SPATA16: variants seen among roughly 807,000 people sequenced by gnomAD.
SPATA16 encodes the protein spermatogenesis associated 16, also known as spermatogenesis-associated protein 16.
A neutral mutation model predicts 63.3 loss-of-function variants in SPATA16; 36 were observed. That is an observed-to-expected ratio of 0.57 (90% CI 0.44 to 0.75). SPATA16 has a LOEUF of 0.75. Among genes scored for constraint, SPATA16 ranks in the 30% least tolerant of loss-of-function variants. SPATA16 has a pLI of 0.00. For synonymous variants in SPATA16, 203 were observed against 216.7 expected (o/e 0.94, Z 0.56); for missense variants, 646 against 679.3 (o/e 0.95, Z 0.54).
intron 2 of SPATA16, among the ~76,000 whole-genome samples, chr3:173,065,191 A>G (rs1447488347): frequency 6.6e-6 from 1 of 152,248 alleles, no homozygotes; most frequent in African/African-American, 2.4e-5. Context: ...CAGATATTTA[A>G]GAGAGATATA....
rs559387103 is a variant in SPATA16 at position 173,024,123 on chromosome 3, T to TA, written c.759-4549_759-4548insT. Among the ~76,000 whole-genome samples, 35 of 151,624 alleles carry TA rather than the reference T, an allele frequency of 2.3e-4. 2 individuals are homozygous for TA. In the South Asian group the frequency reaches 6.8e-3, roughly 30 times the overall value. ...GTATGGGATTTTTTTCTATTATATT[T>TA]TCCAAACTCTTATTGATAGCATAGC... On this transcript the variant is annotated intron_variant, in intron 3 of 10. Transcript: ENST00000351008.
rs7638809 is a variant in SPATA16 at position 172,904,173 on chromosome 3, T to C, written c.1587+9488A>G. ...GGTTGTTGCAATCATTTAAATGTGA[T>C]AATGTATTGAAATGCTTGGCACACA... On this transcript the variant is annotated intron_variant, in intron 10 of 10. Coordinates refer to ENST00000351008, the MANE Select transcript of SPATA16 (RefSeq NM_031955.6). Among the ~76,000 whole-genome samples, 1,022 of 152,332 alleles carry C rather than the reference T, an allele frequency of 6.7e-3. 12 individuals are homozygous for C. The highest frequency in any genetic ancestry group is 0.024 in the African/African-American group (978 of 41,576).
chr3:173,111,271 G>A (rs779808773), intron 2 of SPATA16, among the ~76,000 whole-genome samples: 45 of 152,194 alleles, frequency 3.0e-4, no homozygotes, highest in Admixed American at 9.2e-4. Flanking sequence ...TTAGCCAGGC[G>A]TGGTGGCATG....
intron 2 of SPATA16, among the ~76,000 whole-genome samples, chr3:173,084,362 G>A (rs1163294926): frequency 6.6e-6 from 1 of 152,022 alleles, no homozygotes; most frequent in African/African-American, 2.4e-5. Flanking sequence ...TTTTAATAGG[G>A]TTGTTTGTTT....
At chr3:173,019,178 T>C (rs1478984866) in intron 4 of SPATA16, among the ~76,000 whole-genome samples, 1 of 152,216 alleles carries the variant, frequency 6.6e-6, no homozygotes, top group African/African-American at 2.4e-5. Flanking sequence ...GTCATTACAA[T>C]GTGGACAAGA....
chr3:173,012,846 A>G (rs1353213668), intron 4 of SPATA16, among the ~76,000 whole-genome samples: 1 of 152,184 alleles, frequency 6.6e-6, no homozygotes, highest in Non-Finnish European at 1.5e-5. Context: ...CCTAGGATAT[A>G]CCTACCATTC....
At chr3:173,023,635 T>C (rs1735386764) in intron 3 of SPATA16, among the ~76,000 whole-genome samples, 2 of 151,996 alleles carry the variant, frequency 1.3e-5, no homozygotes, top group South Asian at 4.1e-4. Context: ...TGTCTTCCCA[T>C]ACAGGAATGT....
At chr3:173,012,532 A>G (rs1212077586) in intron 4 of SPATA16, among the ~76,000 whole-genome samples, 3 of 152,238 alleles carry the variant, frequency 2.0e-5, no homozygotes, top group Non-Finnish European at 4.4e-5. Context: ...AGACTATACC[A>G]TAAGGCTACA....
chr3:173,048,624 G>A (rs548748574), intron 3 of SPATA16, among the ~76,000 whole-genome samples: 7 of 152,014 alleles, frequency 4.6e-5, no homozygotes, highest in Admixed American at 1.3e-4. Context: ...CTGCAATTTC[G>A]ACAATCCCTC....
At chr3:172,985,564 T>C (rs1386169611) in intron 4 of SPATA16, among the ~76,000 whole-genome samples, 1 of 152,200 alleles carries the variant, frequency 6.6e-6, no homozygotes, top group East Asian at 1.9e-4. Context: ...TTAAGTACCT[T>C]ATGTTAACTA....
chr3:172,960,047 A>T (rs1248181695), intron 5 of SPATA16, among the ~76,000 whole-genome samples: 1 of 151,896 alleles, frequency 6.6e-6, no homozygotes, highest in Non-Finnish European at 1.5e-5. Flanking sequence ...TAAGGACTTT[A>T]AAAACTAGAA....
chr3:173,108,379 G>A (rs1330209816), intron 2 of SPATA16, among the ~76,000 whole-genome samples: 1 of 152,040 alleles, frequency 6.6e-6, no homozygotes, highest in Non-Finnish European at 1.5e-5. Context: ...AAATAGCTTT[G>A]TATATTTATT....
chr3:173,102,511 C>A (rs2108326472), intron 2 of SPATA16, among the ~76,000 whole-genome samples: 1 of 152,232 alleles, frequency 6.6e-6, no homozygotes, highest in African/African-American at 2.4e-5. Context: ...AGAGCCAGAG[C>A]AGTTGGTGGG....
chr3:172,898,397 G>T (rs1254752185), intron 10 of SPATA16, among the ~76,000 whole-genome samples: 1 of 151,966 alleles, frequency 6.6e-6, no homozygotes, highest in Admixed American at 6.5e-5. Flanking sequence ...TTATAATTAT[G>T]AATAGTTATA....
At chr3:173,080,874 T>C (rs1181993290) in intron 2 of SPATA16, among the ~76,000 whole-genome samples, 1 of 152,140 alleles carries the variant, frequency 6.6e-6, no homozygotes, top group Non-Finnish European at 1.5e-5. Context: ...CAAAAAATTA[T>C]CACAAGTCCT....
intron 4 of SPATA16, among the ~76,000 whole-genome samples, chr3:173,005,579 T>G (rs1043990430): frequency 5.3e-5 from 8 of 152,056 alleles, no homozygotes; most frequent in African/African-American, 1.9e-4. Flanking sequence ...ACCCAAGAAT[T>G]TTGCACGATA....
At chr3:172,897,663 T>G (rs1199605626) in intron 10 of SPATA16, among the ~76,000 whole-genome samples, 4 of 152,096 alleles carry the variant, frequency 2.6e-5, no homozygotes, top group Admixed American at 2.0e-4. Context: ...CTCATTTTTT[T>G]GGGGGGATTT....
At chr3:172,922,530 A>G (rs891461169) in intron 8 of SPATA16, among the ~76,000 whole-genome samples, 1 of 152,236 alleles carries the variant, frequency 6.6e-6, no homozygotes, top group East Asian at 1.9e-4. Flanking sequence ...ATGCCCAGTA[A>G]GGCCCAACCT....
intron 8 of SPATA16, among the ~76,000 whole-genome samples, chr3:172,923,288 A>C (rs990414705): frequency 1.3e-5 from 2 of 152,224 alleles, no homozygotes; most frequent in African/African-American, 4.8e-5. Context: ...AACATCAGTG[A>C]AAATGTGTTT....
Sources: gnomAD v4.1 joint callset for allele counts (sites outside exome capture counted in the v4.1 genomes callset) on GRCh38, gnomAD v4.1.1 for gene constraint, MANE v1.5 for transcripts, NCBI Gene and HGNC (gene_info 2026-07-23, HGNC 2026-07-21) for gene names.